Variants in FSTL5 observed in about 807,000 individuals in gnomAD.
The protein encoded by FSTL5 is follistatin-related protein 5.
Under a neutral mutation model 89.1 loss-of-function variants are expected in FSTL5, and 62 were observed. The ratio of observed to expected loss-of-function variants is 0.70; its 90% CI spans 0.57 to 0.86. The LOEUF (loss-of-function observed/expected upper bound fraction) is 0.86, where lower values mean the gene tolerates loss of function less well. Ranked by LOEUF, FSTL5 falls within the 40% of genes least tolerant of loss-of-function variation. The pLI is 0.00. For missense variants in FSTL5, 1,057 were observed against 1,001.6 expected, an observed-to-expected ratio of 1.06 and a Z score of -0.75; for synonymous variants, 383 against 346.2, an observed-to-expected ratio of 1.11 and a Z score of -1.18.
chr4:162,067,187 G>A (rs967280269), intron 2 of FSTL5, among the ~76,000 whole-genome samples: 13 of 151,994 alleles, frequency 8.6e-5, no homozygotes, highest in African/African-American at 2.7e-4. Flanking sequence ...GGGCCTACAG[G>A]TGACTACAAG....
intron 2 of FSTL5, among the ~76,000 whole-genome samples, chr4:162,074,737 A>G (rs1197968127): frequency 1.3e-5 from 2 of 151,786 alleles, no homozygotes; most frequent in Admixed American, 1.3e-4. Context: ...TAATTAACAT[A>G]CGCATTACCT....
chr4:161,487,681 C>T (rs759917485), intron 12 of FSTL5, among the ~76,000 whole-genome samples: 4 of 151,980 alleles, frequency 2.6e-5, no homozygotes, highest in Non-Finnish European at 5.9e-5. Flanking sequence ...TTCTAGCGCT[C>T]TCTCTCTCTT....
At chr4:161,847,561 T>C (rs1022020639) in intron 4 of FSTL5, among the ~76,000 whole-genome samples, 3 of 152,194 alleles carry the variant, frequency 2.0e-5, no homozygotes, top group Non-Finnish European at 4.4e-5. Context: ...GAGTCACTTG[T>C]AGTTGTTTTT....
intron 2 of FSTL5, among the ~76,000 whole-genome samples, chr4:162,088,475 T>C (rs917934687): frequency 9.2e-5 from 14 of 152,122 alleles, no homozygotes; most frequent in Non-Finnish European, 8.8e-5. Flanking sequence ...CTGCGACATT[T>C]TTACTTCATC....
At chr4:161,430,765 C>A (rs764363841) in intron 15 of FSTL5, among the ~76,000 whole-genome samples, 3 of 151,796 alleles carry the variant, frequency 2.0e-5, no homozygotes, top group Non-Finnish European at 4.4e-5. Context: ...ACAAAAAAAT[C>A]CAACTCCCAA....
At chr4:161,711,531 TA>T (rs1485315727) in intron 6 of FSTL5, among the ~76,000 whole-genome samples, 2 of 152,120 alleles carry the variant, frequency 1.3e-5, no homozygotes, top group Middle Eastern at 3.4e-3. Flanking sequence ...CTCCCTACAA[TA>T]AAAAGCCAGG....
chr4:161,505,215 C>T (rs1345964822), intron 11 of FSTL5, among the ~76,000 whole-genome samples: 7 of 152,124 alleles, frequency 4.6e-5, no homozygotes, highest in Non-Finnish European at 1.0e-4. Flanking sequence ...TGCATTTTCT[C>T]ACTGAATAAC....
At position 161,386,384 on chromosome 4, in the gene FSTL5, T is replaced by C; in HGVS notation, c.1907A>G (p.Tyr636Cys). 1.2e-6 allele frequency: 2 copies of C among 1,613,708 alleles called. No individual in the cohort carries two copies. The highest frequency in any genetic ancestry group is 1.7e-6 in the Non-Finnish European group (2 of 1,179,768). ...LQKIDLETMSYIKTINLKDYK... is the reference protein window; with the variant it reads ...LQKIDLETMSCIKTINLKDYK... ...GTCCTTCAAGTTAATTGTCTTGATG[T>C]ATGACATGGTTTCAAGATCAATTTT... is the stretch of plus-strand genomic sequence containing the variant. Residue 636 changes from tyrosine (Y) to cysteine (C), a missense_variant, in exon 16 of 16, where the codon TAC becomes TGC. Tyr to Cys is a radical substitution (Grantham distance 194). Transcript: ENST00000306100.
chr4:161,859,629 G>C (rs1731836037), intron 4 of FSTL5, among the ~76,000 whole-genome samples: 1 of 152,116 alleles, frequency 6.6e-6, no homozygotes, highest in South Asian at 2.1e-4. Context: ...GTAAAACGTA[G>C]AGTATTAACT....
At chr4:161,877,809 G>C (rs1051215912) in intron 4 of FSTL5, among the ~76,000 whole-genome samples, 6 of 151,804 alleles carry the variant, frequency 4.0e-5, no homozygotes, top group Admixed American at 3.9e-4. Context: ...CTGGGCGACA[G>C]AGCGAGACTC....
intron 2 of FSTL5, among the ~76,000 whole-genome samples, chr4:162,062,690 G>C (rs1222154345): frequency 6.6e-6 from 1 of 150,612 alleles, no homozygotes; most frequent in African/African-American, 2.4e-5. Context: ...TGAAATTAAA[G>C]AGTAAGATAA....
At chr4:162,036,064 G>GAAAAGA (rs1265222147) in intron 2 of FSTL5, among the ~76,000 whole-genome samples, 8 of 151,974 alleles carry the variant, frequency 5.3e-5, no homozygotes, top group African/African-American at 1.9e-4. Context: ...AGTGTCCTAG[G>GAAAAGA]CATTGAGGTC....
At chr4:161,388,143 G>C (rs550250815) in intron 15 of FSTL5, 1 of 151,990 alleles carries the variant, frequency 6.6e-6, no homozygotes, top group Admixed American at 6.6e-5. Context: ...ATGGCATAAA[G>C]CAATATATTT....
Position 161,384,190 on chromosome 4 carries a change from A to T in FSTL5, c.*1557T>A, listed in dbSNP as rs1730533603. 1 of 152,212 alleles carries T rather than the reference A, an allele frequency of 6.6e-6. No homozygotes were observed. Among genetic ancestry groups the T allele is most frequent in the Admixed American group, 6.5e-5 (1 of 15,284 alleles). 9.4% of individuals were successfully genotyped at this position (152,212 alleles called of 1,614,324 possible). On this transcript the variant is annotated 3_prime_UTR_variant, in exon 16 of 16. Transcript: ENST00000306100. ...TCAGGATGCTATATACACATAAGAT[A>T]TTACACACTATAAAATTTCAGGTTT...
At chr4:162,045,373 G>T (rs1454145034) in intron 2 of FSTL5, among the ~76,000 whole-genome samples, 2 of 152,046 alleles carry the variant, frequency 1.3e-5, no homozygotes, top group African/African-American at 4.8e-5. Context: ...TCATAAAGGT[G>T]CAGTTCAGTT....
At chr4:161,775,362 T>C (rs1051419869) in intron 5 of FSTL5, among the ~76,000 whole-genome samples, 5 of 152,170 alleles carry the variant, frequency 3.3e-5, no homozygotes, top group Non-Finnish European at 7.4e-5. Flanking sequence ...TCTTATTTTA[T>C]ATTTCTACTA....
At position 162,140,727 on chromosome 4, in the gene FSTL5, G is replaced by A. The variant is rs571308034; in HGVS notation, c.-17+22888C>T. 2.0e-5 allele frequency among the ~76,000 whole-genome samples: 3 copies of A among 152,240 alleles called. No homozygotes were observed. In the East Asian group the frequency reaches 5.8e-4, roughly 29 times the overall value. On this transcript the variant is annotated intron_variant, in intron 1 of 15. Transcript: ENST00000306100. ...GAGTAACATAATCGATGTAGAAATA[G>A]CGCTGACTTGTTCAAAGGTAACAGC... is the stretch of plus-strand genomic sequence containing the variant.
chr4:161,482,808 T>C (rs1052940101), intron 12 of FSTL5, among the ~76,000 whole-genome samples: 1 of 152,238 alleles, frequency 6.6e-6, no homozygotes, highest in African/African-American at 2.4e-5. Context: ...AAATGTCAGA[T>C]CTAATTCAGG....
chr4:161,423,879 A>G, intron 15 of FSTL5, among the ~76,000 whole-genome samples: 1 of 150,804 alleles, frequency 6.6e-6, no homozygotes, highest in Admixed American at 6.6e-5. Flanking sequence ...TTATTTTTTG[A>G]GATGGAGTCT....
Sources: gnomAD v4.1 joint callset for allele counts (sites outside exome capture counted in the v4.1 genomes callset) on GRCh38, gnomAD v4.1.1 for gene constraint, MANE v1.5 for transcripts, NCBI Gene and HGNC (gene_info 2026-07-23, HGNC 2026-07-21) for gene names.